TECPR2: variants seen among roughly 807,000 people sequenced by gnomAD.
TECPR2 encodes tectonin beta-propeller repeat-containing protein 2.
Under a neutral mutation model 138.1 loss-of-function variants are expected in TECPR2, and 65 were observed. The observed-to-expected ratio is 0.47, with a 90% CI of 0.39 to 0.58. TECPR2 has a LOEUF of 0.58. Ranked by LOEUF, TECPR2 falls within the 20% of genes least tolerant of loss-of-function variation. The probability of loss-of-function intolerance (pLI) is 0.00; values close to 1 mark genes in which losing one functional copy is unlikely to be tolerated. For missense variants in TECPR2, 1,553 were observed against 1,824.5 expected (o/e 0.85, Z 2.71); for synonymous variants, 746 against 749.8 (o/e 0.99, Z 0.08).
At chr14:102,369,926 G>C (rs1163631706) in intron 1 of TECPR2, among the ~76,000 whole-genome samples, 1 of 151,972 alleles carries the variant, frequency 6.6e-6, no homozygotes, top group Middle Eastern at 3.2e-3. Context: ...CTGTACTCCA[G>C]CCTGGGCGAC....
chr14:102,457,192 C>A (rs1890295174), intron 16 of TECPR2, among the ~76,000 whole-genome samples: 1 of 151,982 alleles, frequency 6.6e-6, no homozygotes, highest in Non-Finnish European at 1.5e-5. Context: ...TCAAGTGATT[C>A]TCCTGCCTCA....
chr14:102,392,155 ATTTTTTTTGTAT>A (rs1282396818), intron 2 of TECPR2, among the ~76,000 whole-genome samples: 27 of 151,470 alleles, frequency 1.8e-4, no homozygotes, highest in Admixed American at 8.6e-4. Context: ...CACCCAGCTG[ATTTTTTTTGTAT>A]TTTTAGTAGA....
chr14:102,468,785 TA>T (rs1359294580), intron 17 of TECPR2, among the ~76,000 whole-genome samples: 1 of 152,262 alleles, frequency 6.6e-6, no homozygotes, highest in African/African-American at 2.4e-5. Flanking sequence ...GATTTTTGAA[TA>T]TGGTATGAGA....
At chr14:102,387,989 G>T (rs188229816) in intron 2 of TECPR2, among the ~76,000 whole-genome samples, 1 of 152,194 alleles carries the variant, frequency 6.6e-6, no homozygotes, top group Non-Finnish European at 1.5e-5. Flanking sequence ...TGGATATTTC[G>T]CATTGAGAAA....
chr14:102,376,973 C>T, intron 2 of TECPR2, 33 bp downstream of exon 2: 1 of 1,589,048 alleles, frequency 6.3e-7, no homozygotes, highest in Non-Finnish European at 8.6e-7. Flanking sequence ...CCTGAGGGGG[C>T]ACGAGCCATA....
At chr14:102,478,447 G>A (rs113724813) in intron 17 of TECPR2, among the ~76,000 whole-genome samples, 3 of 151,834 alleles carry the variant, frequency 2.0e-5, no homozygotes, top group East Asian at 2.0e-4. Context: ...TTGGGAGGTC[G>A]AGGCGGGTAG....
chr14:102,498,451 C>CT lies in TECPR2; in HGVS notation c.*194_*195insT. ...ACCCACAGCCTCCACCCGTGGCTGG[C>CT]GTGATTGCTGCAGCAGTGGCGCCTC... On this transcript the variant is annotated 3_prime_UTR_variant, in exon 20 of 20. Coordinates refer to ENST00000359520, the MANE Select transcript of TECPR2 (RefSeq NM_014844.5). 2.7e-6 allele frequency: 2 copies of CT among 738,740 alleles called. No individual in the cohort carries two copies. Among genetic ancestry groups the CT allele is most frequent in the Non-Finnish European group, 4.3e-6 (2 of 465,664 alleles). The allele number at this position is 738,740 out of a possible 1,614,324, so 45.8% of individuals were successfully genotyped here.
At chr14:102,396,024 G>A (rs1567322794) in intron 2 of TECPR2, among the ~76,000 whole-genome samples, 1 of 152,022 alleles carries the variant, frequency 6.6e-6, no homozygotes, top group Non-Finnish European at 1.5e-5. Context: ...TGGATCTGGG[G>A]CAGCTCTTGT....
At chr14:102,375,958 T>C (rs1887629856) in intron 1 of TECPR2, among the ~76,000 whole-genome samples, 1 of 152,152 alleles carries the variant, frequency 6.6e-6, no homozygotes, top group Non-Finnish European at 1.5e-5. Flanking sequence ...ATGGCGTGCA[T>C]GGAAGGGTTG....
intron 17 of TECPR2, among the ~76,000 whole-genome samples, chr14:102,477,551 G>GTT (rs549249042): frequency 4.7e-5 from 6 of 126,776 alleles, no homozygotes; most frequent in Non-Finnish European, 6.7e-5. Context: ...TGTAGAGCTG[G>GTT]TTTTTTTTTT....
intron 12 of TECPR2, among the ~76,000 whole-genome samples, chr14:102,444,893 T>C (rs1190550): frequency 0.73 from 111,596 of 152,072 alleles, 41,358 homozygotes; most frequent in Middle Eastern, 0.78. Flanking sequence ...TGCAGAGAGC[T>C]GAGATCGCAC....
At chr14:102,371,994 C>T (rs1337871071) in intron 1 of TECPR2, among the ~76,000 whole-genome samples, 1 of 152,044 alleles carries the variant, frequency 6.6e-6, no homozygotes, top group Non-Finnish European at 1.5e-5. Context: ...ACTTCTTTGT[C>T]CTTTTATTTT....
intron 2 of TECPR2, among the ~76,000 whole-genome samples, chr14:102,396,598 A>T (rs1422968175): frequency 6.6e-6 from 1 of 152,180 alleles, no homozygotes; most frequent in Non-Finnish European, 1.5e-5. Flanking sequence ...CCTAGACATC[A>T]ATTGTACTGG....
intron 2 of TECPR2, among the ~76,000 whole-genome samples, chr14:102,386,038 A>G (rs1283636104): frequency 2.0e-5 from 3 of 152,146 alleles, no homozygotes; most frequent in Admixed American, 2.0e-4. Flanking sequence ...TAAAATATTA[A>G]CATTTGGAAA....
intron 17 of TECPR2, among the ~76,000 whole-genome samples, chr14:102,470,258 T>G (rs1375477742): frequency 6.6e-6 from 1 of 152,152 alleles, no homozygotes; most frequent in Admixed American, 6.6e-5. Context: ...TGTGGGAAGT[T>G]TTTTTGACTA....
Position 102,382,095 on chromosome 14 carries a change from C to T in TECPR2, c.219+5155C>T, listed in dbSNP as rs575706550. On this transcript the variant is annotated intron_variant, in intron 2 of 19. Transcript: ENST00000359520. ...GATCACGAGGTCAGGAGATCGAGAC[C>T]ATCCAGGCTAACATGGTGAAACCCT... is the stretch of plus-strand genomic sequence containing the variant. Among the ~76,000 whole-genome samples, 70 of 152,234 alleles carry T rather than the reference C, an allele frequency of 4.6e-4. No individual in the cohort carries two copies. The South Asian group carries it at 0.012, about 26-fold the overall frequency.
At chr14:102,364,676 A>G (rs1887295111) in intron 1 of TECPR2, among the ~76,000 whole-genome samples, 2 of 152,142 alleles carry the variant, frequency 1.3e-5, no homozygotes, top group South Asian at 2.1e-4. Flanking sequence ...GAAGACTGGC[A>G]TCTACTGGAT....
intron 13 of TECPR2, among the ~76,000 whole-genome samples, chr14:102,448,537 G>A (rs566856494): frequency 1.3e-5 from 2 of 152,212 alleles, no homozygotes; most frequent in South Asian, 2.1e-4. Flanking sequence ...TCTTGCCCTG[G>A]AGTAATTATT....
chr14:102,498,051 A>AAGCTCCCAGCTCCAT, intron 19 of TECPR2, 52 bp from the exon 20 acceptor site: 3 of 1,585,248 alleles, frequency 1.9e-6, no homozygotes, highest in South Asian at 1.1e-5. Flanking sequence ...ATCTGTGCCC[A>AAGCTCCCAGCTCCAT]CCCCACAGGC....
Sources: gnomAD v4.1 joint callset for allele counts (sites outside exome capture counted in the v4.1 genomes callset) on GRCh38, gnomAD v4.1.1 for gene constraint, MANE v1.5 for transcripts, NCBI Gene and HGNC (gene_info 2026-07-23, HGNC 2026-07-21) for gene names.